UBAC2: variants seen among roughly 807,000 people sequenced by gnomAD.
UBAC2 encodes the protein UBA domain containing 2.
A neutral mutation model predicts 44.0 loss-of-function variants in UBAC2; 26 were observed. The ratio of observed to expected loss-of-function variants is 0.59; its 90% confidence interval spans 0.43 to 0.82. UBAC2 has a LOEUF of 0.82. Ranked by LOEUF, UBAC2 falls within the 40% of genes least tolerant of loss-of-function variation. The pLI is 0.00. For synonymous variants in UBAC2, 155 were observed against 154.3 expected (o/e 1.00, Z -0.04); for missense variants, 329 against 419.4 (o/e 0.78, Z 1.88).
In UBAC2 at chr13:99,338,043, T is replaced by TTTC. The variant is rs1555330436; in HGVS notation, c.562-2275_562-2274insCTT. ...AAAAATCTCCTAACTTTTTTTCTTT[T>TTTC]TTTCTTTTTTTTTTTTTTTTTTTTT... is the stretch of plus-strand genomic sequence containing the variant. On this transcript the variant is annotated intron_variant, in intron 6 of 8. Coordinates refer to ENST00000403766, the MANE Select transcript of UBAC2 (RefSeq NM_001144072.2). 1.5e-3 allele frequency among the ~76,000 whole-genome samples: 121 copies of TTTC among 80,210 alleles called. 1 individual carries two copies. Among genetic ancestry groups the TTTC allele is most frequent in the African/African-American group, 4.0e-3 (84 of 20,834 alleles). The allele number at this position is 80,210 out of a possible 152,430, so 52.6% of individuals were successfully genotyped here.
chr13:99,252,430 G>A (rs1209467699), intron 4 of UBAC2, among the ~76,000 whole-genome samples: 1 of 152,190 alleles, frequency 6.6e-6, no homozygotes, highest in African/African-American at 2.4e-5. Flanking sequence ...TGTAAGGGAA[G>A]GCCTTTGAAC....
chr13:99,345,662 G>A (rs944571566), intron 7 of UBAC2, among the ~76,000 whole-genome samples: 3 of 151,730 alleles, frequency 2.0e-5, no homozygotes, highest in Non-Finnish European at 2.9e-5. Context: ...GCTCCAGACC[G>A]AAATATCCTA....
chr13:99,277,506 C>G (rs1029650782), intron 4 of UBAC2, among the ~76,000 whole-genome samples: 2 of 152,052 alleles, frequency 1.3e-5, no homozygotes, highest in Non-Finnish European at 2.9e-5. Flanking sequence ...GCCTGGGCAA[C>G]AAGAGGGAAA....
chr13:99,340,610 C>A, intron 7 of UBAC2, 45 bp downstream of exon 7: 2 of 1,584,166 alleles, frequency 1.3e-6, no homozygotes, highest in South Asian at 1.1e-5. Flanking sequence ...TTCTCAGTGG[C>A]CCAAGCAAAT....
chr13:99,305,860 T>A (rs1280904722), intron 4 of UBAC2, among the ~76,000 whole-genome samples: 1 of 152,182 alleles, frequency 6.6e-6, no homozygotes, highest in Non-Finnish European at 1.5e-5. Flanking sequence ...CACAGTTAGA[T>A]GTGTGATCAT....
intron 1 of UBAC2, among the ~76,000 whole-genome samples, chr13:99,232,604 G>A (rs1208222182): frequency 6.6e-6 from 1 of 151,876 alleles, no homozygotes; most frequent in Admixed American, 6.6e-5. Flanking sequence ...AGAGAGAAAC[G>A]ACAGAAATGC....
chr13:99,244,893 C>T (rs992608664), intron 4 of UBAC2, among the ~76,000 whole-genome samples: 3 of 151,538 alleles, frequency 2.0e-5, no homozygotes, highest in Non-Finnish European at 2.9e-5. Context: ...AGTGCATTGG[C>T]ACGATCTCGG....
intron 7 of UBAC2, among the ~76,000 whole-genome samples, chr13:99,345,562 C>A (rs934468334): frequency 2.0e-5 from 3 of 151,928 alleles, no homozygotes; most frequent in Admixed American, 2.0e-4. Context: ...CCAAGGGGAC[C>A]CACCCAGCCC....
At position 99,244,611 on chromosome 13, in the gene UBAC2, T is replaced by A. The variant is rs2043359271; in HGVS notation, c.376T>A (p.Leu126Met). 6.2e-7 allele frequency: 1 copy of A among 1,609,444 alleles called. No homozygotes were observed. The highest frequency in any genetic ancestry group is 1.3e-5 in the African/African-American group (1 of 74,940). The change falls in exon 4 of 9, where the codon TTG becomes ATG. Residue 126 changes from leucine (L) to methionine (M), a missense_variant. Physicochemically the swap from Leu to Met is conservative, Grantham distance 15. Transcript: ENST00000403766. Reference sequence around the variant, plus strand: ...CTTTGGCATCACTGCAGCTAGTAATTTGCCTTCTGGATTGTAAGTAGCACT... The same window carrying A: ...CTTTGGCATCACTGCAGCTAGTAATATGCCTTCTGGATTGTAAGTAGCACT... ...YFFGITAASN[L>M]PSGFLAPVFA...
At position 99,295,050 on chromosome 13, in the gene UBAC2, A is replaced by G. The variant is rs369336452; in HGVS notation, c.390-19047A>G. On this transcript the variant is annotated intron_variant, in intron 4 of 8. Transcript: ENST00000403766. This position sits in a 1 kb window ranked among gnomAD's most constrained non-coding sequence, Gnocchi z 4.1. ...AGTTTACGTCACTATAAACCAAAAT[A>G]CAATCCATTTCACTTTCCATTTGAA... 6 of 1,609,794 alleles carry G rather than the reference A, an allele frequency of 3.7e-6. No individual in the cohort carries two copies. The highest frequency in any genetic ancestry group is 3.3e-4 in the Middle Eastern group (2 of 6,054).
rs113618557 is a variant in UBAC2 at position 99,339,021 on chromosome 13, C to G, written c.562-1299C>G. On this transcript the variant is annotated intron_variant, in intron 6 of 8. Transcript: ENST00000403766. Reference sequence around the variant, plus strand: ...CTTCTGCTGTGTCTCCTCCTCCCCCCCATTTTATCTCCTCTAGTCCTGTTA... The same window carrying G: ...CTTCTGCTGTGTCTCCTCCTCCCCCGCATTTTATCTCCTCTAGTCCTGTTA... Among the ~76,000 whole-genome samples the G allele has an allele frequency of 7.6e-3, 1,156 of 152,234 alleles. 9 individuals are homozygous for G. The highest frequency in any genetic ancestry group is 0.013 in the Non-Finnish European group (851 of 68,018).
At chr13:99,350,644 C>A (rs528360835) in intron 7 of UBAC2, among the ~76,000 whole-genome samples, 5 of 152,368 alleles carry the variant, frequency 3.3e-5, no homozygotes, top group African/African-American at 1.2e-4. Context: ...GTATCCCTTG[C>A]AATATCCTTT....
intron 6 of UBAC2, among the ~76,000 whole-genome samples, chr13:99,321,566 G>T (rs1180085207): frequency 6.6e-6 from 1 of 152,190 alleles, no homozygotes; most frequent in Admixed American, 6.5e-5. Context: ...CTGCCTCAAA[G>T]TGCTGGGATT....
At chr13:99,244,172 G>A (rs1157687451) in intron 3 of UBAC2, among the ~76,000 whole-genome samples, 2 of 152,122 alleles carry the variant, frequency 1.3e-5, no homozygotes, top group African/African-American at 4.8e-5. Flanking sequence ...TGTAGTATTA[G>A]TTGTGAACAC....
At position 99,295,403 on chromosome 13, in the gene UBAC2, A is replaced by G; in HGVS notation, c.390-18694A>G. On this transcript the variant is annotated intron_variant, in intron 4 of 8. Transcript: ENST00000403766. This position sits in a 1 kb window ranked among gnomAD's most constrained non-coding sequence, Gnocchi z 4.1. ...ACAGAGAACAAACACAACAATAATA[A>G]GAATAATTGTGTTGAGAGCCTTTTT... The G allele has an allele frequency of 6.2e-7, 1 of 1,614,086 alleles. No homozygotes were observed. The highest frequency in any genetic ancestry group is 8.5e-7 in the Non-Finnish European group (1 of 1,179,966).
At chr13:99,321,744 T>G (rs2044571950) in intron 6 of UBAC2, among the ~76,000 whole-genome samples, 1 of 152,228 alleles carries the variant, frequency 6.6e-6, no homozygotes, top group Non-Finnish European at 1.5e-5. Flanking sequence ...CTAGGTAAGT[T>G]GACCACTTTT....
At chr13:99,236,521 C>G (rs941252354) in intron 1 of UBAC2, among the ~76,000 whole-genome samples, 17 of 152,086 alleles carry the variant, frequency 1.1e-4, no homozygotes, top group Non-Finnish European at 2.4e-4. Flanking sequence ...GATACTTCAC[C>G]CGAGTTAGAA....
chr13:99,351,389 AT>A (rs2045085740), intron 7 of UBAC2: 1 of 364,196 alleles, frequency 2.7e-6, no homozygotes, highest in Non-Finnish European at 5.4e-6. Flanking sequence ...CAGGTTTTAC[AT>A]TTTAAATGGT....
At chr13:99,327,306 A>T (rs987204158) in intron 6 of UBAC2, among the ~76,000 whole-genome samples, 1 of 152,248 alleles carries the variant, frequency 6.6e-6, no homozygotes, top group South Asian at 2.1e-4. Flanking sequence ...TTGCCAAGAA[A>T]CACCCGTACT....
Sources: gnomAD v4.1 joint callset for allele counts (sites outside exome capture counted in the v4.1 genomes callset) on GRCh38, gnomAD v4.1.1 for gene constraint, Gnocchi (gnomAD v3.1) non-coding constraint, MANE v1.5 for transcripts, NCBI Gene and HGNC (gene_info 2026-07-23, HGNC 2026-07-21) for gene names.